The following TXNL1 variants were observed in gnomAD, a reference collection of about 807,000 sequenced individuals.
TXNL1 encodes thioredoxin-like protein 1.
TXNL1 carries 14 observed loss-of-function variants against 35.5 expected under a neutral mutation model. The observed-to-expected ratio is 0.39, with a 90% CI of 0.26 to 0.62. The LOEUF (loss-of-function observed/expected upper bound fraction) is 0.62, where lower values mean the gene tolerates loss of function less well. Ranked by LOEUF, TXNL1 falls within the 20% of genes least tolerant of loss-of-function variation. TXNL1 has a pLI of 0.47. For synonymous variants in TXNL1, 110 were observed against 115.5 expected, an observed-to-expected ratio of 0.95 and a Z score of 0.31; for missense variants, 263 against 349.7, an observed-to-expected ratio of 0.75 and a Z score of 1.98.
rs1222080152 is a variant in TXNL1, at chr18:56,597,897, CAATTGTA to C, written c.*5123_*5129del. On this transcript the variant is annotated 3_prime_UTR_variant, in exon 8 of 8. Transcript: ENST00000217515. ...TTCTCCTAAGAGCTACTTCTATATT[CAATTGTA>C]AAAGTGAGAACCTTGTGAGACATCA... 1 of 152,216 alleles carries C rather than the reference CAATTGTA, an allele frequency of 6.6e-6. No individual in the cohort carries two copies. Among genetic ancestry groups the C allele is most frequent in the Non-Finnish European group, 1.5e-5 (1 of 68,046 alleles). 9.4% of individuals were successfully genotyped at this position (152,216 alleles called of 1,614,324 possible).
chr18:56,627,041 G>A (rs1041673297), intron 1 of TXNL1, among the ~76,000 whole-genome samples: 2 of 150,106 alleles, frequency 1.3e-5, no homozygotes, highest in Non-Finnish European at 3.0e-5. Flanking sequence ...TCAAACTCCT[G>A]GGTTCAAGTG....
chr18:56,615,772 C>T (rs566006474), intron 5 of TXNL1, among the ~76,000 whole-genome samples: 1 of 152,114 alleles, frequency 6.6e-6, no homozygotes, highest in Middle Eastern at 3.2e-3. Context: ...ACTAAGTTCT[C>T]TTTCTTTCAT....
intron 5 of TXNL1, among the ~76,000 whole-genome samples, chr18:56,615,967 AAC>A (rs2024079455): frequency 6.6e-6 from 1 of 151,830 alleles, no homozygotes; most frequent in Non-Finnish European, 1.5e-5. Context: ...TCCTGTACTA[AAC>A]ACAAAAATCA....
intron 1 of TXNL1, among the ~76,000 whole-genome samples, chr18:56,633,047 T>C (rs1289396180): frequency 6.6e-6 from 1 of 152,194 alleles, no homozygotes; most frequent in African/African-American, 2.4e-5. Context: ...CTGACATCCT[T>C]CTTAGATTGT....
At chr18:56,603,297 TA>T (rs887046604) in intron 7 of TXNL1, among the ~76,000 whole-genome samples, 3 of 151,104 alleles carry the variant, frequency 2.0e-5, no homozygotes, top group South Asian at 2.1e-4. Context: ...TTTTTTTTTT[TA>T]AATAGCAATT....
At chr18:56,619,215 A>G (rs1299646291) in intron 3 of TXNL1, among the ~76,000 whole-genome samples, 4 of 140,310 alleles carry the variant, frequency 2.9e-5, no homozygotes, top group Admixed American at 7.1e-5. Context: ...CCCTGTCTCA[A>G]AAAAAAAAAA....
chr18:56,617,282 C>T (rs982836420), intron 4 of TXNL1, among the ~76,000 whole-genome samples: 4 of 151,986 alleles, frequency 2.6e-5, no homozygotes, highest in African/African-American at 9.7e-5. Flanking sequence ...ATAAGCATGA[C>T]ATTATTAGGG....
intron 7 of TXNL1, chr18:56,610,316 C>CAA (rs2023969586): frequency 6.6e-6 from 1 of 152,330 alleles, no homozygotes; most frequent in East Asian, 1.9e-4. Flanking sequence ...CGCTAGGGAA[C>CAA]TGTTGCCCAT....
intron 1 of TXNL1, among the ~76,000 whole-genome samples, chr18:56,637,956 A>G (rs1001195927): frequency 2.0e-5 from 3 of 152,192 alleles, no homozygotes. Context: ...AAGCTTTTGG[A>G]GCTCTGGAGA....
intron 6 of TXNL1, among the ~76,000 whole-genome samples, chr18:56,612,810 T>C (rs2024019502): frequency 6.6e-6 from 1 of 152,222 alleles, no homozygotes; most frequent in South Asian, 2.1e-4. Flanking sequence ...AAGTTTAATA[T>C]AACAATTTTC....
intron 2 of TXNL1, 95 bp from the exon 3 acceptor site, chr18:56,624,556 T>A: frequency 7.4e-7 from 1 of 1,347,692 alleles, no homozygotes; most frequent in Non-Finnish European, 1.0e-6. Context: ...ACCATAAGCA[T>A]GAACTAAAAA....
intron 2 of TXNL1, chr18:56,626,033 C>A (rs891718063): frequency 3.8e-6 from 1 of 261,440 alleles, no homozygotes. Context: ...CTATATAATG[C>A]CAATACCTCG....
chr18:56,604,909 A>C (rs1399335877), intron 7 of TXNL1, among the ~76,000 whole-genome samples: 1 of 152,242 alleles, frequency 6.6e-6, no homozygotes, highest in Non-Finnish European at 1.5e-5. Context: ...AATAAAATTT[A>C]AAGTTTAGAA....
intron 6 of TXNL1, among the ~76,000 whole-genome samples, chr18:56,612,430 C>A (rs975884961): frequency 6.6e-6 from 1 of 151,736 alleles, no homozygotes; most frequent in Non-Finnish European, 1.5e-5. Context: ...CCCCTCAGCA[C>A]GATAAAAACT....
chr18:56,619,171 G>A (rs903908336), intron 3 of TXNL1, among the ~76,000 whole-genome samples: 1 of 142,232 alleles, frequency 7.0e-6, no homozygotes, highest in Non-Finnish European at 1.5e-5. Context: ...CTGAAATTGC[G>A]CCATTGTACT....
intron 6 of TXNL1, among the ~76,000 whole-genome samples, chr18:56,611,587 T>C (rs2023992643): frequency 1.3e-5 from 2 of 152,180 alleles, no homozygotes; most frequent in East Asian, 3.9e-4. Context: ...TAGGGCTGTT[T>C]GCCCTGCTAT....
At chr18:56,614,940 G>A (rs566885323) in intron 5 of TXNL1, among the ~76,000 whole-genome samples, 80 of 152,262 alleles carry the variant, frequency 5.3e-4, no homozygotes, top group African/African-American at 1.9e-3. Flanking sequence ...TACAAGGAAG[G>A]TGACAATAGA....
rs150388098 is a variant in TXNL1 at position 56,616,251 on chromosome 18, C to T, written c.556G>A (p.Asp186Asn). 29 of 1,613,300 alleles carry T rather than the reference C, an allele frequency of 1.8e-5. No homozygotes were observed. Among genetic ancestry groups the T allele is most frequent in the Non-Finnish European group, 2.4e-5 (28 of 1,179,602 alleles). The change falls in exon 5 of 8, where the codon GAT (aspartate) becomes AAT (asparagine). Residue 186 changes from aspartate to asparagine, a missense_variant. Physicochemically the swap from Asp to Asn is conservative, Grantham distance 23. Transcript: ENST00000217515. ...AAAGCTATCCTTTACTCACCATTATCTGGCCCTTGAAATTTCATGGAATAA... is the reference window on the plus strand; with the variant it reads ...AAAGCTATCCTTTACTCACCATTATTTGGCCCTTGAAATTTCATGGAATAA... ...KLYSMKFQGPDNGQGPKYVKI... is the reference protein window; with the variant it reads ...KLYSMKFQGPNNGQGPKYVKI...
chr18:56,609,004 GTT>G (rs1012231399), intron 7 of TXNL1: 1 of 150,354 alleles, frequency 6.7e-6, no homozygotes, highest in African/African-American at 2.4e-5. Flanking sequence ...TACCAAATTG[GTT>G]TTTCTTTTAG....
Sources: allele counts gnomAD v4.1 joint callset (sites outside exome capture counted in the v4.1 genomes callset), GRCh38; gene constraint gnomAD v4.1.1; transcripts MANE v1.5; gene names NCBI Gene and HGNC (gene_info 2026-07-23, HGNC 2026-07-21).